Variants in OR6N2 observed in about 807,000 individuals in gnomAD.
OR6N2 encodes the protein olfactory receptor family 6 subfamily N member 2, also known as olfactory receptor 6N2.
For missense variants in OR6N2, 399 were observed against 379.7 expected (o/e 1.05, Z -0.42); for synonymous variants, 160 against 138.3 (o/e 1.16, Z -1.10).
rs938928900 is a variant in OR6N2, at chr1:158,776,100, A to T, written c.*582T>A. The T allele has an allele frequency of 1.3e-5, 2 of 152,196 alleles. No individual in the cohort carries two copies. The highest frequency in any genetic ancestry group is 3.9e-4 in the East Asian group (2 of 5,194). 9.4% of individuals were successfully genotyped at this position (152,196 alleles called of 1,614,324 possible). ...GGCAGGACAACGAAGACTGGGAAAG[A>T]CTCACAAGAAAGATAAGAAAATTGG... On this transcript the variant is annotated 3_prime_UTR_variant, in exon 2 of 2. Transcript: ENST00000641131.
rs1001182268 is a variant in OR6N2, at chr1:158,776,894, C to T, written c.742G>A (p.Val248Ile). The change falls in exon 2 of 2, where the codon GTC (valine) becomes ATC (isoleucine). Residue 248 changes from valine (V) to isoleucine (I), a missense_variant. By Grantham distance (29) the Val-to-Ile change is conservative. Transcript: ENST00000641131. ...ATGATGCTCCCAAAGAAGATGAGGA[C>T]CACAGCAAGATGTGAGGCACAGGTA... ...FSTCASHLAV[V>I]LIFFGSIIFM... 1 of 1,614,068 alleles carries T rather than the reference C, an allele frequency of 6.2e-7. No homozygotes were observed. Among genetic ancestry groups the T allele is most frequent in the African/African-American group, 1.3e-5 (1 of 75,038 alleles).
chr1:158,776,802 G>A lies in OR6N2; in HGVS notation c.834C>T (p.Tyr278=), dbSNP rs758562106. The A allele has an allele frequency of 6.2e-7, 1 of 1,614,060 alleles. No individual in the cohort carries two copies. Among genetic ancestry groups the A allele is most frequent in the Non-Finnish European group, 8.5e-7 (1 of 1,179,924 alleles). Residue 278 remains tyrosine, a synonymous_variant, in exon 2 of 2, where the codon TAC becomes TAT. Transcript: ENST00000641131. ...LTLDRTLAIV[Y]SVLTPMVNPI... ...GATTGACCATTGGTGTTAGTACGGAGTAAACTATAGCAAGTGTTCGGTCAA... is the reference window on the plus strand; with the variant it reads ...GATTGACCATTGGTGTTAGTACGGAATAAACTATAGCAAGTGTTCGGTCAA...
chr1:158,779,443 CA>C (rs1657694393), intron 1 of OR6N2, among the ~76,000 whole-genome samples: 1 of 152,164 alleles, frequency 6.6e-6, no homozygotes, highest in Non-Finnish European at 1.5e-5. Context: ...TTCATTTAAA[CA>C]ATTCATTTAA....
At chr1:158,779,785 C>T (rs1238637761) in intron 1 of OR6N2, among the ~76,000 whole-genome samples, 3 of 152,178 alleles carry the variant, frequency 2.0e-5, no homozygotes, top group Non-Finnish European at 2.9e-5. Context: ...AATCTTAACT[C>T]CTTAAATATA....
rs1657585966 is a variant in OR6N2 at position 158,776,103 on chromosome 1, CACAAGAA to C, written c.*572_*578del. ...AGGACAACGAAGACTGGGAAAGACTCACAAGAAAGATAAGAAAATTGGGAGGTAATGA... is the reference window on the plus strand; with the variant it reads ...AGGACAACGAAGACTGGGAAAGACTCAGATAAGAAAATTGGGAGGTAATGA... On this transcript the variant is annotated 3_prime_UTR_variant, in exon 2 of 2. Transcript: ENST00000641131. 1 of 151,984 alleles carries C rather than the reference CACAAGAA, an allele frequency of 6.6e-6. No individual in the cohort carries two copies. The highest frequency in any genetic ancestry group is 2.1e-4 in the South Asian group (1 of 4,818). 9.4% of individuals were successfully genotyped at this position (151,984 alleles called of 1,614,324 possible). A position where few individuals can be genotyped will look rare whatever the true frequency, so the allele number is the denominator to read the frequency against.
intron 1 of OR6N2, among the ~76,000 whole-genome samples, chr1:158,779,017 T>C (rs1468154169): frequency 5.1e-5 from 1 of 19,482 alleles, no homozygotes; most frequent in African/African-American, 6.2e-4. Flanking sequence ...AGACTGCGTC[T>C]CAAAAAAAAA....
At position 158,777,176 on chromosome 1, in the gene OR6N2, G is replaced by T; in HGVS notation, c.460C>A (p.Leu154Met). 1 of 1,614,120 alleles carries T rather than the reference G, an allele frequency of 6.2e-7. No homozygotes were observed. The highest frequency in any genetic ancestry group is 8.5e-7 in the Non-Finnish European group (1 of 1,180,032). The change falls in exon 2 of 2, where the codon CTG (leucine) becomes ATG (methionine). Residue 154 changes from leucine to methionine, a missense_variant. By Grantham distance (15) the Leu-to-Met change is conservative. Coordinates refer to ENST00000641131, the MANE Select transcript of OR6N2 (RefSeq NM_001005278.2). Reference protein sequence around the residue: ...MAAACWTCGFLCPISEVILAS... With the variant: ...MAAACWTCGFMCPISEVILAS... Reference sequence around the variant, plus strand: ...AGGATGACCTCAGAAATGGGACACAGGAAGCCACAAGTCCAACAAGCAGCA... The same window carrying T: ...AGGATGACCTCAGAAATGGGACACATGAAGCCACAAGTCCAACAAGCAGCA...
chr1:158,777,471 C>G lies in OR6N2; in HGVS notation c.165G>C (p.Leu55=), dbSNP rs1657634397. The change falls in exon 2 of 2, where the codon CTG becomes CTC. Residue 55 remains leucine (L), a synonymous_variant. Transcript: ENST00000641131. ...IFSVIRLDAA[L]HTPMYHFVSV... ...TGACAAAGTGGTACATAGGTGTGTG[C>G]AGAGCTGCATCCAGTCGGATGACTG... 1.9e-6 allele frequency: 3 copies of G among 1,614,070 alleles called. No individual in the cohort carries two copies. Among genetic ancestry groups the G allele is most frequent in the Non-Finnish European group, 2.5e-6 (3 of 1,180,044 alleles).
chr1:158,777,678 A>G (rs1657643960), intron 1 of OR6N2, 37 bp from the exon 2 acceptor site: 10 of 1,310,036 alleles, frequency 7.6e-6, no homozygotes, highest in Non-Finnish European at 1.1e-5. Flanking sequence ...CATTGGATTG[A>G]GATGACTGCT....
chr1:158,779,394 C>T (rs992079886), intron 1 of OR6N2, among the ~76,000 whole-genome samples: 1 of 152,166 alleles, frequency 6.6e-6, no homozygotes, highest in African/African-American at 2.4e-5. Context: ...ATGGCTGTCA[C>T]ATTAAAAGTA....
rs758175837 is a variant in OR6N2 at position 158,777,042 on chromosome 1, C to T, written c.594G>A (p.Val198=). The T allele has an allele frequency of 5.8e-5, 93 of 1,613,904 alleles. 3 individuals are homozygous for T. The Admixed American group carries it at 1.5e-3, about 26-fold the overall frequency. ...ACKDTSANIL[V]DFAINAFIIL... Reference sequence around the variant, plus strand: ...TTATGAAAGCATTAATGGCAAAGTCCACCAGAATGTTAGCAGATGTGTCCT... The same window carrying T: ...TTATGAAAGCATTAATGGCAAAGTCTACCAGAATGTTAGCAGATGTGTCCT... The change falls in exon 2 of 2, where the codon GTG becomes GTA. Residue 198 remains valine, a synonymous_variant. Coordinates refer to ENST00000641131, the MANE Select transcript of OR6N2 (RefSeq NM_001005278.2).
Position 158,777,537 on chromosome 1 carries a change from C to A in OR6N2, c.99G>T (p.Leu33Phe), listed in dbSNP as rs1657639534. The change falls in exon 2 of 2, where the codon TTG (leucine) becomes TTT (phenylalanine). Residue 33 changes from leucine (L) to phenylalanine (F), a missense_variant. Physicochemically the swap from Leu to Phe is conservative, Grantham distance 22. Transcript: ENST00000641131. ...TACCACAGATGGTGAACAGGTATGC[C>A]AATAGCAGCAGGACAAAAAGCCAGC... Reference protein sequence around the residue: ...VRGWLFVLLLLAYLFTICGNM... With the variant: ...VRGWLFVLLLFAYLFTICGNM... 2 of 1,614,006 alleles carry A rather than the reference C, an allele frequency of 1.2e-6. No homozygotes were observed. The highest frequency in any genetic ancestry group is 2.2e-5 in the East Asian group (1 of 44,878).
At position 158,775,297 on chromosome 1, in the gene OR6N2, G is replaced by A. The variant is rs1284072060; in HGVS notation, c.*1385C>T. ...TGAACAGAAAATCACACAATTAGGA[G>A]GAGTGAACCAAATGAAATGTTGGGG... On this transcript the variant is annotated 3_prime_UTR_variant, in exon 2 of 2. Coordinates refer to ENST00000641131, the MANE Select transcript of OR6N2 (RefSeq NM_001005278.2). 1.3e-5 allele frequency: 2 copies of A among 152,110 alleles called. No individual in the cohort carries two copies. Among genetic ancestry groups the A allele is most frequent in the African/African-American group, 2.4e-5 (1 of 41,418 alleles). 9.4% of individuals were successfully genotyped at this position (152,110 alleles called of 1,614,324 possible).
At position 158,776,550 on chromosome 1, in the gene OR6N2, A is replaced by G. The variant is rs1490174370; in HGVS notation, c.*132T>C. The G allele has an allele frequency of 1.9e-6, 1 of 530,396 alleles. No homozygotes were observed. Among genetic ancestry groups the G allele is most frequent in the Non-Finnish European group, 3.3e-6 (1 of 304,324 alleles). 32.9% of individuals were successfully genotyped at this position (530,396 alleles called of 1,614,324 possible). ...TAGAAATAAAGATGTAGAAAATGAG[A>G]AAATCATAAAGAAATGAAGTCTTTG... On this transcript the variant is annotated 3_prime_UTR_variant, in exon 2 of 2. Coordinates refer to ENST00000641131, the MANE Select transcript of OR6N2 (RefSeq NM_001005278.2).
intron 1 of OR6N2, among the ~76,000 whole-genome samples, chr1:158,778,704 T>C (rs1196630388): frequency 6.6e-6 from 1 of 151,968 alleles, no homozygotes; most frequent in Non-Finnish European, 1.5e-5. Flanking sequence ...TTAGGGTGGT[T>C]AGCTTGTTTG....
chr1:158,780,336 CA>C (rs2102017522), intron 1 of OR6N2, among the ~76,000 whole-genome samples: 1 of 152,288 alleles, frequency 6.6e-6, no homozygotes, highest in African/African-American at 2.4e-5. Context: ...ATTTCAGGAG[CA>C]CCCTAAAGGC....
intron 1 of OR6N2, among the ~76,000 whole-genome samples, chr1:158,778,520 A>G (rs1426114593): frequency 6.6e-6 from 1 of 152,228 alleles, no homozygotes; most frequent in Non-Finnish European, 1.5e-5. Context: ...AGCTCACTCA[A>G]TGCTTTAAGA....
At chr1:158,778,577 T>A (rs1300283315) in intron 1 of OR6N2, among the ~76,000 whole-genome samples, 3 of 152,208 alleles carry the variant, frequency 2.0e-5, no homozygotes, top group Non-Finnish European at 2.9e-5. Flanking sequence ...GTTTGCTAGA[T>A]GAGTGACTGG....
intron 1 of OR6N2, among the ~76,000 whole-genome samples, chr1:158,778,320 C>T (rs1306481182): frequency 2.0e-5 from 3 of 152,066 alleles, no homozygotes; most frequent in Non-Finnish European, 4.4e-5. Context: ...AGAAGTGGCT[C>T]ATTTCTCAGG....
Sources: allele counts gnomAD v4.1 joint callset (sites outside exome capture counted in the v4.1 genomes callset), GRCh38; gene constraint gnomAD v4.1.1; transcripts MANE v1.5; gene names NCBI Gene and HGNC (gene_info 2026-07-23, HGNC 2026-07-21).